FSTL5: variants seen among roughly 807,000 people sequenced by gnomAD.
The protein encoded by FSTL5 is follistatin-related protein 5.
Under a neutral mutation model 89.1 loss-of-function variants are expected in FSTL5, and 62 were observed. The observed-to-expected ratio is 0.70, with a 90% CI of 0.57 to 0.86. The LOEUF is 0.86. Among genes scored for constraint, FSTL5 ranks in the 40% least tolerant of loss-of-function variants. The pLI, the probability that FSTL5 is intolerant of heterozygous loss-of-function variation, is 0.00. For synonymous variants in FSTL5, 383 were observed against 346.2 expected, an observed-to-expected ratio of 1.11 and a Z score of -1.18; for missense variants, 1,057 against 1,001.6, an observed-to-expected ratio of 1.06 and a Z score of -0.75.
At chr4:161,825,157 T>G (rs555242102) in intron 4 of FSTL5, among the ~76,000 whole-genome samples, 3 of 152,288 alleles carry the variant, frequency 2.0e-5, no homozygotes, top group African/African-American at 7.2e-5. Context: ...AAACATGTGA[T>G]TTTTGCTTTT....
At chr4:161,459,938 A>G (rs1420397398) in intron 13 of FSTL5, among the ~76,000 whole-genome samples, 2 of 151,162 alleles carry the variant, frequency 1.3e-5, no homozygotes, top group African/African-American at 4.8e-5. Flanking sequence ...TTTTTTGCTA[A>G]TATTTATAAT....
chr4:161,454,907 A>G (rs1168443967), intron 15 of FSTL5, 97 bp downstream of exon 15: 30 of 1,141,702 alleles, frequency 2.6e-5, no homozygotes, highest in Middle Eastern at 5.1e-4. Context: ...GTACATGTGT[A>G]TTTGTTTCAT....
intron 3 of FSTL5, among the ~76,000 whole-genome samples, chr4:162,025,866 AC>A (rs1462451122): frequency 6.6e-6 from 1 of 152,052 alleles, no homozygotes; most frequent in African/African-American, 2.4e-5. Flanking sequence ...AGAATTGCAA[AC>A]TTTTTTATAT....
intron 7 of FSTL5, among the ~76,000 whole-genome samples, chr4:161,594,784 A>G (rs958801120): frequency 1.3e-5 from 2 of 151,956 alleles, no homozygotes; most frequent in African/African-American, 4.8e-5. Flanking sequence ...CAATATATTT[A>G]AAATAAAACA....
intron 6 of FSTL5, among the ~76,000 whole-genome samples, chr4:161,704,618 T>C (rs1487847843): frequency 6.6e-6 from 1 of 152,060 alleles, no homozygotes; most frequent in Non-Finnish European, 1.5e-5. Context: ...TTTTTCGTAA[T>C]CCTTTATCAC....
intron 3 of FSTL5, among the ~76,000 whole-genome samples, chr4:161,923,083 G>T (rs1384419772): frequency 6.6e-6 from 1 of 151,878 alleles, no homozygotes; most frequent in East Asian, 1.9e-4. Flanking sequence ...TATCAGATCA[G>T]TTTCAAAAAG....
chr4:161,734,558 T>A (rs939245629), intron 6 of FSTL5, among the ~76,000 whole-genome samples: 3 of 152,178 alleles, frequency 2.0e-5, no homozygotes, highest in Non-Finnish European at 2.9e-5. Context: ...CAATCTCTGA[T>A]TAGACAGCTT....
At chr4:162,015,762 T>A (rs185667813) in intron 3 of FSTL5, among the ~76,000 whole-genome samples, 1 of 152,166 alleles carries the variant, frequency 6.6e-6, no homozygotes. Context: ...TCCTTTCTAC[T>A]TTTTTCTTTA....
chr4:162,141,326 A>G (rs551345231), intron 1 of FSTL5, among the ~76,000 whole-genome samples: 11 of 118,232 alleles, frequency 9.3e-5, no homozygotes, highest in African/African-American at 3.0e-4. Flanking sequence ...CATGTTAGCC[A>G]GGATGGTCTC....
chr4:161,657,418 C>G (rs773331256), intron 6 of FSTL5, among the ~76,000 whole-genome samples: 1 of 152,174 alleles, frequency 6.6e-6, no homozygotes, highest in African/African-American at 2.4e-5. Flanking sequence ...ATACCACAAA[C>G]GAAACACCAC....
At chr4:161,935,035 A>G (rs1734393646) in intron 3 of FSTL5, among the ~76,000 whole-genome samples, 1 of 152,196 alleles carries the variant, frequency 6.6e-6, no homozygotes, top group Admixed American at 6.6e-5. Flanking sequence ...CTTTAACAAA[A>G]TATGACCAGC....
intron 7 of FSTL5, among the ~76,000 whole-genome samples, chr4:161,646,023 T>C (rs967121763): frequency 1.3e-5 from 2 of 151,562 alleles, no homozygotes; most frequent in African/African-American, 4.8e-5. Context: ...CACTCTATAT[T>C]AAAAAATAAC....
In FSTL5 at chr4:161,759,818, G is replaced by T. The variant is rs534023485; in HGVS notation, c.607-287C>A. On this transcript the variant is annotated intron_variant, in intron 5 of 15. Transcript: ENST00000306100. ...AATCTGAACATTTAAAGAACATTTT[G>T]TATTTCATGCATTTTCTTTGCTCCA... 1.3e-4 allele frequency among the ~76,000 whole-genome samples: 20 copies of T among 151,966 alleles called. No homozygotes were observed. The South Asian group carries it at 4.2e-3, about 32-fold the overall frequency.
chr4:161,629,877 G>A (rs892395367), intron 7 of FSTL5, among the ~76,000 whole-genome samples: 11 of 152,166 alleles, frequency 7.2e-5, no homozygotes, highest in Admixed American at 2.0e-4. Flanking sequence ...TCCCCTGAAC[G>A]ACAGAGTTGG....
At chr4:161,493,469 C>T (rs1488008258) in intron 12 of FSTL5, among the ~76,000 whole-genome samples, 1 of 151,244 alleles carries the variant, frequency 6.6e-6, no homozygotes, top group African/African-American at 2.4e-5. Flanking sequence ...TTTATATTTG[C>T]CGTGAATATA....
At position 162,033,606 on chromosome 4, in the gene FSTL5, T is replaced by C. The variant is rs1300362010; in HGVS notation, c.160+19A>G. The C allele has an allele frequency of 7.2e-7, 1 of 1,390,094 alleles. No individual in the cohort carries two copies. Among genetic ancestry groups the C allele is most frequent in the East Asian group, 2.4e-5 (1 of 42,078 alleles). The allele number at this position is 1,390,094 out of a possible 1,614,324, so 86.1% of individuals were successfully genotyped here. A position where few individuals can be genotyped will look rare whatever the true frequency, so the allele number is the denominator to read the frequency against. ...TTATGAACTTATATAATTGTTATCT[T>C]AAAGCAATCATTTCTTACCTTTGAC... is the stretch of plus-strand genomic sequence containing the variant. On this transcript the variant is annotated intron_variant, in intron 3 of 15. Transcript: ENST00000306100.
chr4:161,970,551 T>A (rs1172489361), intron 3 of FSTL5, among the ~76,000 whole-genome samples: 1 of 152,048 alleles, frequency 6.6e-6, no homozygotes, highest in Non-Finnish European at 1.5e-5. Flanking sequence ...ACTTACAAAT[T>A]TCAAGAATCG....
At position 162,104,419 on chromosome 4, in the gene FSTL5, T is replaced by G. The variant is rs980661565; in HGVS notation, c.126+6852A>C. On this transcript the variant is annotated intron_variant, in intron 2 of 15. Coordinates refer to ENST00000306100, the MANE Select transcript of FSTL5 (RefSeq NM_020116.5). Reference sequence around the variant, plus strand: ...TCTTGGAAGCCTCCGGCTACCATCTTGGAAGCGGCCCGCCACCATCTTGGG... The same window carrying G: ...TCTTGGAAGCCTCCGGCTACCATCTGGGAAGCGGCCCGCCACCATCTTGGG... Among the ~76,000 whole-genome samples, 8 of 152,258 alleles carry G rather than the reference T, an allele frequency of 5.3e-5. No individual in the cohort carries two copies. In the East Asian group the frequency reaches 5.8e-4, roughly 11 times the overall value.
At chr4:161,524,848 C>T (rs1429334409) in intron 10 of FSTL5, among the ~76,000 whole-genome samples, 3 of 151,876 alleles carry the variant, frequency 2.0e-5, no homozygotes, top group Non-Finnish European at 2.9e-5. Flanking sequence ...ATACCAGCTA[C>T]TCAGCAGGCT....
Sources: gnomAD v4.1 joint callset for allele counts (sites outside exome capture counted in the v4.1 genomes callset) on GRCh38, gnomAD v4.1.1 for gene constraint, MANE v1.5 for transcripts, NCBI Gene and HGNC (gene_info 2026-07-23, HGNC 2026-07-21) for gene names.